Variants in SGCD observed in about 807,000 individuals in gnomAD.
SGCD encodes delta-sarcoglycan.
A neutral mutation model predicts 36.6 loss-of-function variants in SGCD; 18 were observed. The ratio of observed to expected loss-of-function variants is 0.49; its 90% CI spans 0.34 to 0.73. The LOEUF is 0.73. Ranked by LOEUF, SGCD falls within the 30% of genes least tolerant of loss-of-function variation. The pLI, the probability that SGCD is intolerant of heterozygous loss-of-function variation, is 0.01. For synonymous variants in SGCD, 133 were observed against 130.6 expected, an observed-to-expected ratio of 1.02 and a Z score of -0.12; for missense variants, 387 against 346.7, an observed-to-expected ratio of 1.12 and a Z score of -0.92.
chr5:156,086,523 G>A (rs1260326749), intron 1 of SGCD, among the ~76,000 whole-genome samples: 5 of 152,188 alleles, frequency 3.3e-5, no homozygotes, highest in African/African-American at 9.6e-5. Context: ...GGGTTACAAG[G>A]CTACATGACT....
chr5:155,757,812 A>T, the SGCD span, among the ~76,000 whole-genome samples: 1 of 152,054 alleles, frequency 6.6e-6, no homozygotes, highest in African/African-American at 2.4e-5. Context: ...GAATTCCCAG[A>T]TGTTGTGGGA....
intron 3 of SGCD, among the ~76,000 whole-genome samples, chr5:156,179,645 C>T (rs1169706789): frequency 2.8e-5 from 4 of 144,436 alleles, no homozygotes; most frequent in Admixed American, 6.8e-5. Flanking sequence ...TTTTTGAGAC[C>T]GATTCTCACT....
chr5:156,682,698 T>C (rs32077), intron 7 of SGCD, among the ~76,000 whole-genome samples: 139,961 of 152,290 alleles, frequency 0.92, 64,489 homozygotes, highest in East Asian at 0.99. Flanking sequence ...TGAAGAGAGA[T>C]GGAGGATATC....
intron 3 of SGCD, among the ~76,000 whole-genome samples, chr5:156,410,497 C>T (rs1448379910): frequency 1.3e-5 from 2 of 152,206 alleles, no homozygotes; most frequent in Admixed American, 6.5e-5. Context: ...AACAAACCTG[C>T]ACATGTACCT....
At chr5:156,184,150 A>G (rs1363434915) in intron 3 of SGCD, among the ~76,000 whole-genome samples, 1 of 152,204 alleles carries the variant, frequency 6.6e-6, no homozygotes, top group African/African-American at 2.4e-5. Context: ...GAATATCTCA[A>G]ATAATTCATT....
chr5:155,743,100 T>A, the SGCD span, among the ~76,000 whole-genome samples: 1 of 152,202 alleles, frequency 6.6e-6, no homozygotes, highest in Admixed American at 6.5e-5. Flanking sequence ...TTTGGAATTT[T>A]ATGGAAGCTT....
At chr5:155,795,906 A>G in the SGCD span, among the ~76,000 whole-genome samples, 1 of 152,340 alleles carries the variant, frequency 6.6e-6, no homozygotes, top group Admixed American at 6.5e-5. Context: ...ACATAATTAT[A>G]CAGAAGGTAT....
rs1042374053 is a variant in SGCD at position 156,049,167 on chromosome 5, C to T, written c.-281-68711C>T. ...CAGCATTATTTCTGAGGGCTCTGTT[C>T]TGTTCTGTTGGTCTATATCTCTGTT... On this transcript the variant is annotated intron_variant, in intron 1 of 9. Coordinates refer to the SGCD transcript ENST00000517913. Among the ~76,000 whole-genome samples, 3 of 145,964 alleles carry T rather than the reference C, an allele frequency of 2.1e-5. 1 individual carries two copies. Among genetic ancestry groups the T allele is most frequent in the Non-Finnish European group, 4.6e-5 (3 of 64,784 alleles).
At chr5:156,188,550 A>G (rs1259608990) in intron 3 of SGCD, among the ~76,000 whole-genome samples, 1 of 152,076 alleles carries the variant, frequency 6.6e-6, no homozygotes, top group Non-Finnish European at 1.5e-5. Context: ...CCTCAGCAGG[A>G]AGCATGTTAC....
intron 2 of SGCD, among the ~76,000 whole-genome samples, chr5:156,335,093 T>C (rs919535572): frequency 2.0e-5 from 3 of 152,174 alleles, no homozygotes; most frequent in Non-Finnish European, 4.4e-5. Context: ...CGATCTCCCA[T>C]AGTGTTGCAG....
At chr5:156,121,982 T>A (rs1561528311) in intron 2 of SGCD, among the ~76,000 whole-genome samples, 1 of 152,180 alleles carries the variant, frequency 6.6e-6, no homozygotes, top group Non-Finnish European at 1.5e-5. Flanking sequence ...GTTTTGGGGC[T>A]TTTGTTTGCT....
chr5:155,935,919 G>A, intron 1 of SGCD, among the ~76,000 whole-genome samples: 2 of 152,278 alleles, frequency 1.3e-5, no homozygotes, highest in African/African-American at 4.8e-5. Context: ...ACACAGTCAG[G>A]CACACCAGCT....
At chr5:156,101,902 CTGTGTGTGTGTGTGTG>C (rs36187985) in intron 1 of SGCD, among the ~76,000 whole-genome samples, 2 of 108,046 alleles carry the variant, frequency 1.9e-5, no homozygotes. Flanking sequence ...GTGTCTCCAG[CTGTGTGTGTGTGTGTG>C]TGTGTGTGTG....
chr5:156,139,489 G>C (rs1419738174), intron 3 of SGCD, among the ~76,000 whole-genome samples: 1 of 152,068 alleles, frequency 6.6e-6, no homozygotes. Flanking sequence ...ATTAGCACCT[G>C]GCTCCAATTA....
the SGCD span, among the ~76,000 whole-genome samples, chr5:155,838,789 AAAAC>A: frequency 2.4e-3 from 358 of 151,476 alleles, no homozygotes; most frequent in Middle Eastern, 0.01. Flanking sequence ...AAAAAAAAAA[AAAAC>A]AATTCAATCT....
the SGCD span, among the ~76,000 whole-genome samples, chr5:155,782,546 A>G: frequency 1.3e-5 from 2 of 152,084 alleles, no homozygotes; most frequent in Non-Finnish European, 1.5e-5. Flanking sequence ...GTGACAGCAA[A>G]CCTTTTATAT....
At chr5:156,600,766 GTTATAC>G (rs1042602045) in intron 6 of SGCD, among the ~76,000 whole-genome samples, 8 of 152,048 alleles carry the variant, frequency 5.3e-5, no homozygotes, top group African/African-American at 1.7e-4. Flanking sequence ...TTCTGTAATA[GTTATAC>G]TTATTTATAT....
chr5:156,482,563 T>C (rs1007711132), intron 3 of SGCD, among the ~76,000 whole-genome samples: 2 of 152,210 alleles, frequency 1.3e-5, no homozygotes, highest in Non-Finnish European at 2.9e-5. Flanking sequence ...TAGGCTTTGA[T>C]AGATAAGAAG....
In SGCD at chr5:156,297,798, AT is replaced by A. The variant is rs1161295606; in HGVS notation, c.-43-31735del. On this transcript the variant is annotated intron_variant, in intron 3 of 9. Coordinates refer to the SGCD transcript ENST00000517913. ...AACTTAAAGTATAATAAAAAAATAA[AT>A]AAATAAATAAATAAATAAATAAATA... 9.6e-3 allele frequency among the ~76,000 whole-genome samples: 1,144 copies of A among 119,728 alleles called. 9 individuals carry two copies. Among genetic ancestry groups the A allele is most frequent in the African/African-American group, 0.052 (892 of 17,224 alleles). The allele number at this position is 119,728 out of a possible 152,430, so 78.5% of individuals were successfully genotyped here.
Sources: allele counts gnomAD v4.1 joint callset (sites outside exome capture counted in the v4.1 genomes callset), GRCh38; gene constraint gnomAD v4.1.1; transcripts MANE v1.5; gene names NCBI Gene and HGNC (gene_info 2026-07-23, HGNC 2026-07-21).